BCL9: variants seen among roughly 807,000 people sequenced by gnomAD.
BCL9 encodes the protein BCL9 transcription coactivator.
BCL9 carries 25 observed loss-of-function variants against 88.5 expected under a neutral mutation model. That is an observed-to-expected ratio of 0.28 (90% confidence interval 0.21 to 0.39). The LOEUF is 0.39. Ranked by LOEUF, BCL9 falls within the 10% of genes least tolerant of loss-of-function variation. The pLI is 1.00. For missense variants in BCL9, 1,817 were observed against 1,877.8 expected (o/e 0.97, Z 0.60); for synonymous variants, 711 against 673.3 (o/e 1.06, Z -0.87).
chr1:147,588,118 G>A lies in BCL9; in HGVS notation c.-477-16659G>A, dbSNP rs782734721. On this transcript the variant is annotated intron_variant, in intron 1 of 9. Coordinates refer to ENST00000234739, the MANE Select transcript of BCL9 (RefSeq NM_004326.4). Reference sequence around the variant, plus strand: ...ATTTGGGATATCTGTGATTCTGCTGGTTAAAAAGTCATGAGCTGCTCATAC... The same window carrying A: ...ATTTGGGATATCTGTGATTCTGCTGATTAAAAAGTCATGAGCTGCTCATAC... Among the ~76,000 whole-genome samples, 30 of 152,244 alleles carry A rather than the reference G, an allele frequency of 2.0e-4. No individual in the cohort carries two copies. In the Middle Eastern group the frequency reaches 0.01, roughly 52 times the overall value.
In BCL9 at chr1:147,620,891, G is replaced by T; in HGVS notation, c.2736G>T (p.Gly912=). 3 of 1,614,130 alleles carry T rather than the reference G, an allele frequency of 1.9e-6. No individual in the cohort carries two copies. The highest frequency in any genetic ancestry group is 2.5e-6 in the Non-Finnish European group (3 of 1,180,024). ...AASIKSPPVL[G]SAAASPVHLK... is the part of the protein sequence containing the mutation. ...CCATTAAGTCCCCCCCTGTTTTGGG[G>T]TCTGCTGCTGCTTCACCTGTCCACC... Residue 912 remains glycine, a synonymous_variant, in exon 8 of 10, where the codon GGG becomes GGT. Coordinates refer to ENST00000234739, the MANE Select transcript of BCL9 (RefSeq NM_004326.4).
chr1:147,548,979 C>T (rs141693765), intron 1 of BCL9, among the ~76,000 whole-genome samples: 69 of 111,286 alleles, frequency 6.2e-4, no homozygotes, highest in South Asian at 2.5e-3. Context: ...TTCTTTCTTT[C>T]TTTTTTTTTT....
intron 1 of BCL9, among the ~76,000 whole-genome samples, chr1:147,599,325 T>C (rs1657215049): frequency 2.0e-5 from 3 of 152,086 alleles, no homozygotes; most frequent in African/African-American, 7.2e-5. Context: ...GAAAGCGGGG[T>C]GGAACTGCGT....
chr1:147,617,983 C>G (rs587638884), intron 7 of BCL9, among the ~76,000 whole-genome samples: 1 of 152,212 alleles, frequency 6.6e-6, no homozygotes, highest in Non-Finnish European at 1.5e-5. Context: ...GTGCTTCTAC[C>G]CTGGACTTAG....
chr1:147,564,542 C>T (rs1553196453), intron 1 of BCL9, among the ~76,000 whole-genome samples: 1 of 152,220 alleles, frequency 6.6e-6, no homozygotes, highest in South Asian at 2.1e-4. Context: ...GTCTGAGTCT[C>T]AATTTCCTCA....
At chr1:147,607,602 C>G (rs782013168) in intron 3 of BCL9, among the ~76,000 whole-genome samples, 1 of 152,154 alleles carries the variant, frequency 6.6e-6, no homozygotes, top group East Asian at 1.9e-4. Flanking sequence ...TTCTTCTCCT[C>G]TGAAAAAGAA....
chr1:147,576,797 C>T (rs1656130740), intron 1 of BCL9, among the ~76,000 whole-genome samples: 1 of 152,122 alleles, frequency 6.6e-6, no homozygotes, highest in Non-Finnish European at 1.5e-5. Context: ...ACTTTCTCAC[C>T]CGCCTCCTCT....
chr1:147,618,798 CTATT>C lies in BCL9; in HGVS notation c.661-16_661-13del, dbSNP rs781811847. On this transcript the variant is annotated splice_polypyrimidine_tract_variant and intron_variant, in intron 7 of 9. Transcript: ENST00000234739. ...GTTCAGTTTACTAATGATTTTTAAA[CTATT>C]TGTTTGTCTTCAGAACACACAGATA... The C allele has an allele frequency of 2.3e-4, 352 of 1,508,190 alleles. No individual in the cohort carries two copies. The highest frequency in any genetic ancestry group is 3.0e-4 in the Non-Finnish European group (339 of 1,128,790). The allele number at this position is 1,508,190 out of a possible 1,614,324, so 93.4% of individuals were successfully genotyped here.
chr1:147,581,003 C>A (rs1218301172), intron 1 of BCL9, among the ~76,000 whole-genome samples: 1 of 152,146 alleles, frequency 6.6e-6, no homozygotes, highest in Non-Finnish European at 1.5e-5. Context: ...AACACTGGTG[C>A]TCCTCCCTGC....
intron 1 of BCL9, among the ~76,000 whole-genome samples, chr1:147,579,292 G>T (rs1246497524): frequency 2.6e-5 from 4 of 152,170 alleles, no homozygotes; most frequent in African/African-American, 4.8e-5. Flanking sequence ...TGGATCAAAT[G>T]ATTCCTAGGA....
intron 1 of BCL9, among the ~76,000 whole-genome samples, chr1:147,596,648 C>G (rs1278984251): frequency 6.6e-6 from 1 of 152,018 alleles, no homozygotes; most frequent in East Asian, 1.9e-4. Flanking sequence ...CTCCTGACCT[C>G]GTGATCCGCC....
chr1:147,622,616 T>C lies in BCL9; in HGVS notation c.3163+85T>C. On this transcript the variant is annotated intron_variant, in intron 9 of 9. Coordinates refer to ENST00000234739, the MANE Select transcript of BCL9 (RefSeq NM_004326.4). ...AGCGTTTTCTCAATGGCTATACACC[T>C]GAATAGGTGGAAGTTCAACAAGTAG... 2.6e-6 allele frequency: 4 copies of C among 1,511,606 alleles called. No individual in the cohort carries two copies. The South Asian group carries it at 3.7e-5, about 14-fold the overall frequency. 93.6% of individuals were successfully genotyped at this position (1,511,606 alleles called of 1,614,324 possible). A position where few individuals can be genotyped will look rare whatever the true frequency, so the allele number is the denominator to read the frequency against.
At chr1:147,578,217 G>C (rs1231231605) in intron 1 of BCL9, among the ~76,000 whole-genome samples, 2 of 152,162 alleles carry the variant, frequency 1.3e-5, no homozygotes, top group East Asian at 1.9e-4. Context: ...TTTACAGCAG[G>C]AACCATGTGA....
Position 147,620,938 on chromosome 1 carries a change from C to T in BCL9, c.2783C>T (p.Ala928Val), listed in dbSNP as rs374446177. ...CACCTCAAGTCTCCATCACTTCCTG[C>T]CCCGTCACCTGGATGGACCTCTTCT... ...PVHLKSPSLP[A>V]PSPGWTSSPK... Residue 928 changes from alanine (A) to valine (V), a missense_variant, in exon 8 of 10, where the codon GCC becomes GTC. Transcript: ENST00000234739. The T allele has an allele frequency of 2.1e-5, 34 of 1,614,172 alleles. No individual in the cohort carries two copies. The highest frequency in any genetic ancestry group is 2.7e-5 in the Non-Finnish European group (32 of 1,180,016).
chr1:147,622,215 C>T (rs953104072), intron 8 of BCL9, 56 bp from the exon 9 acceptor site: 11 of 1,605,292 alleles, frequency 6.9e-6, no homozygotes, highest in Non-Finnish European at 8.5e-6. Context: ...GGGCCCAATA[C>T]CCTTCAAAAG....
intron 1 of BCL9, among the ~76,000 whole-genome samples, chr1:147,578,785 T>C (rs1408222596): frequency 6.6e-6 from 1 of 152,226 alleles, no homozygotes; most frequent in Non-Finnish European, 1.5e-5. Flanking sequence ...GGTTATTTGT[T>C]CTTGTTATTC....
Position 147,620,653 on chromosome 1 carries a change from C to T in BCL9, c.2498C>T (p.Thr833Ile), listed in dbSNP as rs782308046. The change falls in exon 8 of 10, where the codon ACA (threonine) becomes ATA (isoleucine). Residue 833 changes from threonine to isoleucine, a missense_variant. By Grantham distance (89) the Thr-to-Ile change is moderately conservative (BLOSUM62 -1). Coordinates refer to ENST00000234739, the MANE Select transcript of BCL9 (RefSeq NM_004326.4). ...TCCAGTAACCCCACCAGCCTCAACA[C>T]AGCTCCTCCAGTTCAGCGCGGCCTG... ...NPSSNPTSLN[T>I]APPVQRGLGR... 1.2e-6 allele frequency: 2 copies of T among 1,614,100 alleles called. No homozygotes were observed. The highest frequency in any genetic ancestry group is 1.7e-6 in the Non-Finnish European group (2 of 1,180,040).
At chr1:147,612,231 C>T (rs1658043159) in intron 4 of BCL9, among the ~76,000 whole-genome samples, 1 of 152,162 alleles carries the variant, frequency 6.6e-6, no homozygotes, top group African/African-American at 2.4e-5. Context: ...GTGAGGAAGC[C>T]TAATGTCGTA....
At chr1:147,600,635 G>T (rs1657338462) in intron 1 of BCL9, among the ~76,000 whole-genome samples, 1 of 152,098 alleles carries the variant, frequency 6.6e-6, no homozygotes, top group Non-Finnish European at 1.5e-5. Context: ...AACCAGGAGA[G>T]TGAGGACAGT....
Sources: gnomAD v4.1 joint callset for allele counts (sites outside exome capture counted in the v4.1 genomes callset) on GRCh38, gnomAD v4.1.1 for gene constraint, MANE v1.5 for transcripts, NCBI Gene and HGNC (gene_info 2026-07-23, HGNC 2026-07-21) for gene names.